Variants in ZNF676 observed in about 807,000 individuals in gnomAD.
ZNF676 encodes the protein zinc finger protein 676.
Under a neutral mutation model 6.0 loss-of-function variants are expected in ZNF676, and 4 were observed. The ratio of observed to expected loss-of-function variants is 0.67; its 90% CI spans 0.33 to 1.53. ZNF676 has a LOEUF of 1.53. ZNF676 is among the 40% of genes most tolerant of loss of function. ZNF676 has a pLI of 0.06. For synonymous variants in ZNF676, 198 were observed against 223.1 expected (o/e 0.89, Z 1.00); for missense variants, 644 against 679.7 (o/e 0.95, Z 0.58).
chr19:22,215,734 A>C, exon 1 of ZNF676: 1 of 1,477,216 alleles, frequency 6.8e-7, no homozygotes, highest in Non-Finnish European at 9.3e-7. Context: ...CAGTAAGGAC[A>C]AGGCCTTTAC....
In ZNF676 at chr19:22,180,224, A is replaced by T. The variant is rs1656469488; in HGVS notation, c.1493T>A (p.Ile498Asn). 6.2e-7 allele frequency: 1 copy of T among 1,613,584 alleles called. No homozygotes were observed. Among genetic ancestry groups the T allele is most frequent in the Non-Finnish European group, 8.5e-7 (1 of 1,179,920 alleles). ...TFSILTKHKI[I>N]HTGEKRYKCE... ...TTTGTAGCGTTTCTCTCCAGTATGA[A>T]TTATCTTATGTTTAGTAAGGATTGA... Residue 498 changes from isoleucine to asparagine, a missense_variant, in exon 3 of 3, where the codon ATT (isoleucine) becomes AAT (asparagine). Coordinates refer to ENST00000397121, the MANE Select transcript of ZNF676 (RefSeq NM_001001411.3).
intron 1 of ZNF676, among the ~76,000 whole-genome samples, chr19:22,213,021 A>G: frequency 6.6e-6 from 1 of 152,244 alleles, no homozygotes; most frequent in Non-Finnish European, 1.5e-5. Flanking sequence ...AAAAAAAACT[A>G]AGGTCAAAAT....
At chr19:22,190,291 C>T (rs899682502) in intron 2 of ZNF676, among the ~76,000 whole-genome samples, 2 of 151,810 alleles carry the variant, frequency 1.3e-5, no homozygotes, top group African/African-American at 2.4e-5. Context: ...AACACAGCAT[C>T]TTCTCAAATA....
the ZNF676 span, among the ~76,000 whole-genome samples, chr19:22,223,946 T>C: frequency 6.6e-6 from 1 of 151,926 alleles, no homozygotes; most frequent in Admixed American, 6.6e-5. Context: ...ATATGTAGCA[T>C]ATATTGTGTA....
chr19:22,229,160 C>T, the ZNF676 span, among the ~76,000 whole-genome samples: 1 of 152,024 alleles, frequency 6.6e-6, no homozygotes, highest in African/African-American at 2.4e-5. Flanking sequence ...GATATATAGA[C>T]CAATGGAACA....
At chr19:22,236,137 T>C in the ZNF676 span, among the ~76,000 whole-genome samples, 8 of 151,858 alleles carry the variant, frequency 5.3e-5, no homozygotes, top group Admixed American at 2.0e-4. Context: ...GGATGCAATA[T>C]TGGTTTTGAT....
chr19:22,251,430 C>T, the ZNF676 span, among the ~76,000 whole-genome samples: 1 of 152,056 alleles, frequency 6.6e-6, no homozygotes, highest in Non-Finnish European at 1.5e-5. Context: ...TCTGCTTATT[C>T]CTTTGAACAC....
intron 2 of ZNF676, among the ~76,000 whole-genome samples, chr19:22,190,712 G>A (rs1246429275): frequency 9.2e-6 from 1 of 108,646 alleles, no homozygotes; most frequent in African/African-American, 3.0e-5. Flanking sequence ...CATTTACATA[G>A]CAATAATTAT....
At chr19:22,232,357 AG>A in the ZNF676 span, among the ~76,000 whole-genome samples, 1 of 152,068 alleles carries the variant, frequency 6.6e-6, no homozygotes, top group African/African-American at 2.4e-5. Flanking sequence ...TAGTAGAGAC[AG>A]GGTTTCACCA....
chr19:22,201,791 T>C (rs1420661965), upstream of ZNF676, among the ~76,000 whole-genome samples: 9 of 146,110 alleles, frequency 6.2e-5, no homozygotes, highest in East Asian at 1.8e-3. Context: ...ACGAAATTGG[T>C]TGTGAGAAAT....
chr19:22,209,436 A>G (rs3934143), intron 1 of ZNF676, among the ~76,000 whole-genome samples: 57,548 of 151,780 alleles, frequency 0.38, 11,155 homozygotes, highest in African/African-American at 0.42. Context: ...GTTATTATTT[A>G]TAAGTAAGAG....
At chr19:22,240,724 G>A in the ZNF676 span, among the ~76,000 whole-genome samples, 4,248 of 151,952 alleles carry the variant, frequency 0.028, 147 homozygotes, top group Admixed American at 0.088. Context: ...GCCCAGGAGC[G>A]GAGTTTTCAG....
chr19:22,241,426 A>G, the ZNF676 span, among the ~76,000 whole-genome samples: 2 of 151,884 alleles, frequency 1.3e-5, no homozygotes, highest in Non-Finnish European at 2.9e-5. Flanking sequence ...TTGGTCTGAG[A>G]GTAACCAACC....
At chr19:22,182,585 T>TAAAAAAAAAAAAAAAAAAAAAAAAAAAA (rs67699215) in intron 2 of ZNF676, among the ~76,000 whole-genome samples, 2 of 45,044 alleles carry the variant, frequency 4.4e-5, no homozygotes, top group Admixed American at 2.9e-4. Flanking sequence ...GTCAAAGTTC[T>TAAAAAAAAAAAAAAAAAAAAAAAAAAAA]AAAAAAAAAA....
upstream of ZNF676, among the ~76,000 whole-genome samples, chr19:22,200,859 A>ATT (rs113127118): frequency 6.6e-6 from 1 of 150,640 alleles, no homozygotes; most frequent in African/African-American, 2.4e-5. Context: ...TGCTTCTTCT[A>ATT]TTTTTTTTTA....
intron 1 of ZNF676, chr19:22,215,526 C>G (rs1599720815): frequency 1.5e-6 from 2 of 1,360,842 alleles, no homozygotes; most frequent in East Asian, 4.8e-5. Context: ...GCAAGGAGAA[C>G]TTGTGGAGCT....
At chr19:22,236,455 A>G in the ZNF676 span, among the ~76,000 whole-genome samples, 1 of 152,192 alleles carries the variant, frequency 6.6e-6, no homozygotes, top group African/African-American at 2.4e-5. Flanking sequence ...CCTCAGAGCC[A>G]GTGTTTAATA....
At chr19:22,215,332 G>A (rs536181133) in intron 1 of ZNF676, among the ~76,000 whole-genome samples, 4 of 152,224 alleles carry the variant, frequency 2.6e-5, no homozygotes, top group African/African-American at 7.2e-5. Flanking sequence ...CTCAAGTCAG[G>A]ATTCTCCTCT....
chr19:22,197,860 G>A (rs2884867), upstream of ZNF676, among the ~76,000 whole-genome samples: 64,382 of 151,836 alleles, frequency 0.42, 14,453 homozygotes, highest in African/African-American at 0.58. Context: ...GTACCCAGAA[G>A]GACACAGTAT....
Sources: gnomAD v4.1 joint callset for allele counts (sites outside exome capture counted in the v4.1 genomes callset) on GRCh38, gnomAD v4.1.1 for gene constraint, MANE v1.5 for transcripts, NCBI Gene and HGNC (gene_info 2026-07-23, HGNC 2026-07-21) for gene names.